Variants in DYSF observed in about 807,000 individuals in gnomAD.
DYSF encodes the protein dystrophy-associated fer-1-like 1.
A neutral mutation model predicts 274.9 loss-of-function variants in DYSF; 212 were observed. The observed-to-expected ratio is 0.77, with a 90% CI of 0.69 to 0.86. The LOEUF (loss-of-function observed/expected upper bound fraction) is 0.86. Ranked by LOEUF, DYSF falls within the 40% of genes least tolerant of loss-of-function variation. The pLI, the probability that DYSF is intolerant of heterozygous loss-of-function variation, is 0.00. For synonymous variants in DYSF, 1,091 were observed against 1,078.7 expected (o/e 1.01, Z -0.22); for missense variants, 2,666 against 2,783.2 (o/e 0.96, Z 0.95).
upstream of DYSF, among the ~76,000 whole-genome samples, chr2:71,462,148 T>G (rs2081307617): frequency 2.0e-5 from 3 of 152,314 alleles, no homozygotes; most frequent in South Asian, 6.2e-4. Flanking sequence ...CCAGCCCTGA[T>G]CCCACGCCTG....
chr2:71,480,313 C>T (rs981471751), intron 1 of DYSF, among the ~76,000 whole-genome samples: 2 of 152,184 alleles, frequency 1.3e-5, no homozygotes, highest in Non-Finnish European at 2.9e-5. Flanking sequence ...GTGGGAGGAT[C>T]GCTTGAGGCC....
At chr2:71,670,413 G>T (rs899574595) in intron 51 of DYSF, among the ~76,000 whole-genome samples, 1 of 152,232 alleles carries the variant, frequency 6.6e-6, no homozygotes, top group Admixed American at 6.5e-5. Flanking sequence ...ATAGATCATG[G>T]TGTCCACAGG....
chr2:71,574,500 C>A (rs763859931), intron 30 of DYSF, 129 bp downstream of exon 30: 2 of 1,175,808 alleles, frequency 1.7e-6, no homozygotes, highest in Non-Finnish European at 2.4e-6. Flanking sequence ...GGCTGGTCAT[C>A]CTGGCGTCAG....
intron 1 of DYSF, among the ~76,000 whole-genome samples, chr2:71,468,314 T>A (rs1337860640): frequency 6.6e-6 from 1 of 152,218 alleles, no homozygotes; most frequent in South Asian, 2.1e-4. Context: ...TGCTCACAGC[T>A]CTTTCCCTTG....
intron 29 of DYSF, among the ~76,000 whole-genome samples, chr2:71,571,718 C>G (rs1195651147): frequency 4.2e-5 from 6 of 142,404 alleles, no homozygotes; most frequent in Non-Finnish European, 9.1e-5. Flanking sequence ...TCAGCACACA[C>G]AGATCACACC....
At chr2:71,648,058 C>T (rs1161626938) in intron 42 of DYSF, among the ~76,000 whole-genome samples, 2 of 152,116 alleles carry the variant, frequency 1.3e-5, no homozygotes, top group Non-Finnish European at 2.9e-5. Flanking sequence ...AAATTCAGCT[C>T]ATTTAGTGAG....
chr2:71,542,500 C>T (rs1250682882), intron 17 of DYSF, among the ~76,000 whole-genome samples: 1 of 151,930 alleles, frequency 6.6e-6, no homozygotes, highest in Non-Finnish European at 1.5e-5. Context: ...CTCTGGTTTT[C>T]CTAGGCAGAG....
chr2:71,470,599 A>G (rs11683589), intron 1 of DYSF, among the ~76,000 whole-genome samples: 89,776 of 144,664 alleles, frequency 0.62, 28,155 homozygotes, highest in African/African-American at 0.72. Context: ...GCATGAACCC[A>G]GGAGACGGAG....
intron 31 of DYSF, 64 bp downstream of exon 31, chr2:71,589,750 A>G: frequency 1.4e-6 from 2 of 1,455,970 alleles, no homozygotes; most frequent in Admixed American, 1.7e-5. Context: ...TTCTGTTTGG[A>G]TGGAGTTATA....
chr2:71,668,176 T>C (rs1022678908), intron 48 of DYSF, among the ~76,000 whole-genome samples: 2 of 152,140 alleles, frequency 1.3e-5, no homozygotes, highest in Non-Finnish European at 2.9e-5. Context: ...ATTACCTCTG[T>C]TGTTTGGAAC....
intron 3 of DYSF, among the ~76,000 whole-genome samples, chr2:71,489,646 C>T (rs74898885): frequency 2.0e-4 from 30 of 152,166 alleles, no homozygotes; most frequent in Admixed American, 2.0e-4. Flanking sequence ...GCATGGGAGA[C>T]GACAGAGGCG....
At chr2:71,681,169 C>G (rs1014144207) in intron 54 of DYSF, 59 bp downstream of exon 54, 1 of 1,509,322 alleles carries the variant, frequency 6.6e-7, no homozygotes, top group Admixed American at 1.8e-5. Flanking sequence ...GGCCACAGTC[C>G]AGGAGGCATC....
At chr2:71,562,005 T>G in intron 23 of DYSF, 61 bp downstream of exon 23, 1 of 1,571,544 alleles carries the variant, frequency 6.4e-7, no homozygotes, top group Non-Finnish European at 8.6e-7. Flanking sequence ...ACATCAGAAC[T>G]GGCAGGGACA....
chr2:71,545,847 T>C (rs1287291707), intron 17 of DYSF, among the ~76,000 whole-genome samples: 2 of 152,070 alleles, frequency 1.3e-5, no homozygotes, highest in Admixed American at 6.6e-5. Flanking sequence ...GGTGGGAAGG[T>C]AAGAAAGATG....
intron 3 of DYSF, among the ~76,000 whole-genome samples, chr2:71,485,584 G>C (rs1489179599): frequency 6.6e-6 from 1 of 152,080 alleles, no homozygotes; most frequent in Admixed American, 6.5e-5. Context: ...ATGCCTCAGG[G>C]GAGGGAGCAC....
At chr2:71,645,225 C>T (rs765713193) in intron 42 of DYSF, among the ~76,000 whole-genome samples, 9 of 152,136 alleles carry the variant, frequency 5.9e-5, no homozygotes, top group African/African-American at 1.7e-4. Context: ...AGAATTGGAT[C>T]GCACGTGGGC....
At chr2:71,622,499 A>G (rs913209091) in intron 41 of DYSF, among the ~76,000 whole-genome samples, 8 of 152,216 alleles carry the variant, frequency 5.3e-5, no homozygotes, top group African/African-American at 1.9e-4. Context: ...AGACTTATTT[A>G]GTCATTCATT....
intron 32 of DYSF, among the ~76,000 whole-genome samples, chr2:71,594,196 G>C (rs2093347143): frequency 6.6e-6 from 1 of 152,186 alleles, no homozygotes; most frequent in Non-Finnish European, 1.5e-5. Flanking sequence ...TGGTGCTGGG[G>C]ATTTCTTGCT....
At chr2:71,462,068 T>C (rs904409455), upstream of DYSF, among the ~76,000 whole-genome samples, 2 of 152,182 alleles carry the variant, frequency 1.3e-5, no homozygotes, top group Non-Finnish European at 2.9e-5. Context: ...CACCTTTGCC[T>C]GAATTTTGCT....
Sources: gnomAD v4.1 joint callset for allele counts (sites outside exome capture counted in the v4.1 genomes callset) on GRCh38, gnomAD v4.1.1 for gene constraint, MANE v1.5 for transcripts, NCBI Gene and HGNC (gene_info 2026-07-23, HGNC 2026-07-21) for gene names.